ZNF385D: variants seen among roughly 807,000 people sequenced by gnomAD.
The protein encoded by ZNF385D is zinc finger protein 385D.
A neutral mutation model predicts 35.8 loss-of-function variants in ZNF385D; 15 were observed. The observed-to-expected ratio is 0.42, with a 90% CI of 0.28 to 0.64. ZNF385D has a LOEUF of 0.64. Ranked by LOEUF, ZNF385D falls within the 30% of genes least tolerant of loss-of-function variation. The pLI is 0.23. For missense variants in ZNF385D, 474 were observed against 494.6 expected, an observed-to-expected ratio of 0.96 and a Z score of 0.39; for synonymous variants, 212 against 186.8, an observed-to-expected ratio of 1.13 and a Z score of -1.10.
chr3:21,964,312 T>A, intron 3 of ZNF385D, among the ~76,000 whole-genome samples: 1 of 139,640 alleles, frequency 7.2e-6, no homozygotes. Flanking sequence ...ATTTTTACAA[T>A]ACAAATGGAA....
At chr3:22,137,334 A>T (rs1287856415) in intron 3 of ZNF385D, among the ~76,000 whole-genome samples, 1 of 152,192 alleles carries the variant, frequency 6.6e-6, no homozygotes, top group Non-Finnish European at 1.5e-5. Flanking sequence ...GGCCAGCATC[A>T]TCCTGATACC....
intron 3 of ZNF385D, among the ~76,000 whole-genome samples, chr3:21,780,387 T>C (rs2071442730): frequency 1.3e-5 from 2 of 152,022 alleles, no homozygotes; most frequent in African/African-American, 4.8e-5. Context: ...AGTTTTCCCC[T>C]GACATTTTCC....
chr3:21,532,748 C>T (rs1282430731), intron 3 of ZNF385D, among the ~76,000 whole-genome samples: 3 of 150,696 alleles, frequency 2.0e-5, no homozygotes, highest in Non-Finnish European at 4.4e-5. Flanking sequence ...GTTTATCTCT[C>T]ACCAATTCAT....
In ZNF385D at chr3:21,865,896, G is replaced by A. The variant is rs1256706284; in HGVS notation, c.326-200868C>T. On this transcript the variant is annotated intron_variant, in intron 3 of 5. Transcript: ENST00000494108. ...GCAGCTTAAAGCTATCACTTATCCT[G>A]TTTGGGTTGACAGATGCTGTGATAA... 3.3e-5 allele frequency among the ~76,000 whole-genome samples: 5 copies of A among 151,956 alleles called. No homozygotes were observed. In the South Asian group the frequency reaches 8.3e-4, roughly 25 times the overall value.
At chr3:21,456,575 G>A (rs941672868) in intron 4 of ZNF385D, among the ~76,000 whole-genome samples, 11 of 152,022 alleles carry the variant, frequency 7.2e-5, no homozygotes, top group East Asian at 5.8e-4. Flanking sequence ...ATCACACACC[G>A]GGGCCTGTTG....
chr3:21,626,786 G>A (rs1016249357), intron 2 of ZNF385D, among the ~76,000 whole-genome samples: 1 of 152,070 alleles, frequency 6.6e-6, no homozygotes, highest in Non-Finnish European at 1.5e-5. Flanking sequence ...TTTGAAGGCA[G>A]AATAGGGAAA....
At chr3:21,955,482 TA>T (rs1190534740) in intron 3 of ZNF385D, among the ~76,000 whole-genome samples, 1 of 152,132 alleles carries the variant, frequency 6.6e-6, no homozygotes, top group Non-Finnish European at 1.5e-5. Flanking sequence ...GGTGATTTCT[TA>T]AGCTTCTGAT....
chr3:21,989,262 T>A (rs1185169258), intron 3 of ZNF385D, among the ~76,000 whole-genome samples: 1 of 152,192 alleles, frequency 6.6e-6, no homozygotes, highest in Non-Finnish European at 1.5e-5. Flanking sequence ...AACCAACTTG[T>A]TTCTTACAAC....
intron 2 of ZNF385D, among the ~76,000 whole-genome samples, chr3:21,569,391 C>T (rs564143862): frequency 2.3e-3 from 340 of 149,894 alleles, no homozygotes; most frequent in Non-Finnish European, 4.3e-3. Flanking sequence ...CAACCCCTGC[C>T]TTTTTTTGTT....
rs545628433 is a variant in ZNF385D at position 21,626,380 on chromosome 3, A to G, written c.165+38506T>C. 1.1e-4 allele frequency among the ~76,000 whole-genome samples: 16 copies of G among 152,262 alleles called. No individual in the cohort carries two copies. The South Asian group carries it at 3.1e-3, about 30-fold the overall frequency. ...AAAGTCCATATAATGTAAACCCAGA[A>G]CACAAATAGGAAAAATGATAGTCAT... On this transcript the variant is annotated intron_variant, in intron 2 of 7. Coordinates refer to ENST00000281523, the MANE Select transcript of ZNF385D (RefSeq NM_024697.3).
intron 2 of ZNF385D, among the ~76,000 whole-genome samples, chr3:22,253,022 C>A (rs564196868): frequency 1.3e-5 from 2 of 152,106 alleles, no homozygotes; most frequent in South Asian, 2.1e-4. Flanking sequence ...ACAGTGTTAA[C>A]CTGAATTGAA....
At chr3:21,946,964 A>G (rs935771453) in intron 3 of ZNF385D, among the ~76,000 whole-genome samples, 3 of 152,016 alleles carry the variant, frequency 2.0e-5, no homozygotes, top group Non-Finnish European at 4.4e-5. Flanking sequence ...CAAATACCTG[A>G]TTGGTCTTGT....
intron 3 of ZNF385D, among the ~76,000 whole-genome samples, chr3:22,067,649 T>C (rs1360432252): frequency 1.3e-5 from 2 of 152,216 alleles, no homozygotes; most frequent in East Asian, 3.8e-4. Context: ...AATCAACTTT[T>C]TAATGGGAAA....
chr3:22,161,716 T>C (rs1705963852), intron 3 of ZNF385D, among the ~76,000 whole-genome samples: 2 of 152,216 alleles, frequency 1.3e-5, no homozygotes, highest in South Asian at 4.1e-4. Flanking sequence ...ATGACTATTT[T>C]ATTCGGCACA....
At chr3:21,767,815 C>A (rs115986172) in intron 3 of ZNF385D, among the ~76,000 whole-genome samples, 1 of 151,882 alleles carries the variant, frequency 6.6e-6, no homozygotes, top group Non-Finnish European at 1.5e-5. Flanking sequence ...TCTTTTGGAA[C>A]GCTTTAGTAA....
upstream of ZNF385D, among the ~76,000 whole-genome samples, chr3:21,753,248 G>C (rs951455361): frequency 1.3e-5 from 2 of 152,178 alleles, no homozygotes; most frequent in African/African-American, 4.8e-5. Context: ...TGATGAGTAA[G>C]AAACAGTTGT....
chr3:21,780,437 C>A (rs113739709), intron 3 of ZNF385D, among the ~76,000 whole-genome samples: 1 of 151,952 alleles, frequency 6.6e-6, no homozygotes, highest in African/African-American at 2.4e-5. Context: ...GCAGCCCTCA[C>A]GTTCTTTCTC....
intron 2 of ZNF385D, among the ~76,000 whole-genome samples, chr3:22,184,745 T>A (rs776872836): frequency 1.3e-5 from 2 of 152,116 alleles, no homozygotes; most frequent in African/African-American, 2.4e-5. Flanking sequence ...GAAAATCGCT[T>A]AAACTGGGAG....
intron 2 of ZNF385D, among the ~76,000 whole-genome samples, chr3:22,339,780 A>G (rs1205757970): frequency 6.6e-6 from 1 of 152,116 alleles, no homozygotes; most frequent in Non-Finnish European, 1.5e-5. Flanking sequence ...CAAAAATGTC[A>G]CTAATCACCT....
Sources: allele counts gnomAD v4.1 joint callset (sites outside exome capture counted in the v4.1 genomes callset), GRCh38; gene constraint gnomAD v4.1.1; transcripts MANE v1.5; gene names NCBI Gene and HGNC (gene_info 2026-07-23, HGNC 2026-07-21).